Variants in LCORL observed in about 807,000 individuals in gnomAD.
The protein encoded by LCORL is ligand dependent nuclear receptor corepressor like, also known as ligand-dependent nuclear receptor corepressor-like protein.
In LCORL, 41 loss-of-function variants were observed where a neutral mutation model predicts 141.8. That is an observed-to-expected ratio of 0.29 (90% CI 0.23 to 0.38). LCORL has a LOEUF of 0.38. LCORL is among the 10% of genes least tolerant of loss of function. LCORL has a pLI of 1.00. For synonymous variants in LCORL, 618 were observed against 694.1 expected (o/e 0.89, Z 1.72); for missense variants, 1,759 against 2,035.0 (o/e 0.86, Z 2.61).
At chr4:17,913,574 A>T (rs1382749074) in intron 4 of LCORL, among the ~76,000 whole-genome samples, 2 of 152,240 alleles carry the variant, frequency 1.3e-5, no homozygotes, top group Admixed American at 6.5e-5. Flanking sequence ...TCTGTTTATT[A>T]TAAGAGTGTT....
At position 17,977,229 on chromosome 4, in the gene LCORL, T is replaced by C. The variant is rs367941557; in HGVS notation, c.155-4344A>G. Among the ~76,000 whole-genome samples the C allele has an allele frequency of 2.1e-4, 32 of 152,322 alleles. 1 individual carries two copies. The South Asian group carries it at 3.7e-3, about 18-fold the overall frequency. ...TAATCTATTCAGAAGTTGGTGGATA[T>C]ACGTTTTCATTTTTCTTGTGTAAAT... On this transcript the variant is annotated intron_variant, in intron 1 of 7. Transcript: ENST00000635767.
rs1213390945 is a variant in LCORL, at chr4:17,990,139, C to T, written c.155-17254G>A. Among the ~76,000 whole-genome samples the T allele has an allele frequency of 3.4e-5, 5 of 145,856 alleles. No homozygotes were observed. In the Admixed American group the frequency reaches 3.5e-4, roughly 10 times the overall value. On this transcript the variant is annotated intron_variant, in intron 1 of 7. Transcript: ENST00000635767. ...TTTGAAATGGAGTCTCGCTCTGTCA[C>T]CCAGGCTGGAGTGCAGTGGCACGAT...
intron 7 of LCORL, among the ~76,000 whole-genome samples, chr4:17,858,679 G>C (rs933507020): frequency 6.6e-6 from 1 of 151,828 alleles, no homozygotes; most frequent in Non-Finnish European, 1.5e-5. Flanking sequence ...GGTGAGCCAA[G>C]ATCGCGCCAT....
intron 4 of LCORL, among the ~76,000 whole-genome samples, chr4:17,928,711 G>A (rs1028399334): frequency 2.0e-5 from 3 of 152,102 alleles, no homozygotes; most frequent in South Asian, 2.1e-4. Context: ...TTATCACTTC[G>A]ACACTGTACT....
chr4:17,943,711 TA>T (rs1738351161), intron 4 of LCORL, among the ~76,000 whole-genome samples: 1 of 152,190 alleles, frequency 6.6e-6, no homozygotes, highest in Non-Finnish European at 1.5e-5. Flanking sequence ...ATGGTCTCAA[TA>T]GCCCATGTAG....
chr4:17,954,354 G>A (rs553918691), intron 4 of LCORL, among the ~76,000 whole-genome samples: 3 of 152,232 alleles, frequency 2.0e-5, no homozygotes, highest in Admixed American at 6.5e-5. Flanking sequence ...AAGATCCTGA[G>A]AAGAAAATAA....
intron 5 of LCORL, among the ~76,000 whole-genome samples, chr4:17,901,060 G>A (rs1730788317): frequency 6.6e-6 from 1 of 151,410 alleles, no homozygotes; most frequent in Non-Finnish European, 1.5e-5. Flanking sequence ...GAAATGTATT[G>A]TTCTTTTTTT....
intron 7 of LCORL, among the ~76,000 whole-genome samples, chr4:17,849,353 G>C (rs375962023): frequency 6.6e-6 from 1 of 152,270 alleles, no homozygotes; most frequent in Admixed American, 6.5e-5. Flanking sequence ...TCAGACAGCA[G>C]CATTCGCGGT....
intron 5 of LCORL, among the ~76,000 whole-genome samples, chr4:17,897,696 T>C (rs1224941953): frequency 6.6e-6 from 1 of 152,160 alleles, no homozygotes; most frequent in Non-Finnish European, 1.5e-5. Context: ...AAATTGTTCT[T>C]CTACTGATGA....
In LCORL at chr4:17,884,024, T is replaced by G. The variant is rs1247785072; in HGVS notation, c.776+2044A>C. 1 of 1,550,790 alleles carries G rather than the reference T, an allele frequency of 6.4e-7. No individual in the cohort carries two copies. Among genetic ancestry groups the G allele is most frequent in the South Asian group, 1.2e-5 (1 of 84,018 alleles). On this transcript the variant is annotated intron_variant, in intron 6 of 7. Coordinates refer to ENST00000635767, the Ensembl canonical transcript of LCORL. This position sits in a 1 kb window ranked among gnomAD's most constrained non-coding sequence, Gnocchi z 4.4. Reference sequence around the variant, plus strand: ...TTTTCGATCTAATCCATCTTCAGTATTTTCAGAGGTTCCATCAACTGTTCC... The same window carrying G: ...TTTTCGATCTAATCCATCTTCAGTAGTTTCAGAGGTTCCATCAACTGTTCC...
intron 1 of LCORL, among the ~76,000 whole-genome samples, chr4:17,998,552 T>G (rs905729939): frequency 1.3e-5 from 2 of 152,124 alleles, no homozygotes; most frequent in Non-Finnish European, 2.9e-5. Flanking sequence ...CCTTAACATC[T>G]TGTCCCACTG....
intron 1 of LCORL, among the ~76,000 whole-genome samples, chr4:17,976,481 T>C (rs1168964558): frequency 6.6e-6 from 1 of 152,184 alleles, no homozygotes; most frequent in East Asian, 1.9e-4. Context: ...CTTTTCACCA[T>C]CTACTTTAAA....
intron 4 of LCORL, among the ~76,000 whole-genome samples, chr4:17,945,995 G>C (rs562424975): frequency 6.6e-4 from 100 of 151,802 alleles, no homozygotes; most frequent in Non-Finnish European, 1.3e-3. Flanking sequence ...GAGAAAAGCA[G>C]ACATCTAAGA....
At chr4:17,934,433 A>G (rs1481829597) in intron 4 of LCORL, among the ~76,000 whole-genome samples, 1 of 152,118 alleles carries the variant, frequency 6.6e-6, no homozygotes, top group African/African-American at 2.4e-5. Flanking sequence ...AAAATCTATT[A>G]TTTGATTTCA....
intron 5 of LCORL, among the ~76,000 whole-genome samples, chr4:17,894,816 A>G (rs555194919): frequency 1.3e-5 from 2 of 152,216 alleles, no homozygotes; most frequent in East Asian, 3.9e-4. Flanking sequence ...ATGCTTGAGA[A>G]CCAGCGGTCT....
chr4:18,013,911 G>A (rs981248852), intron 1 of LCORL, among the ~76,000 whole-genome samples: 3 of 151,740 alleles, frequency 2.0e-5, no homozygotes, highest in East Asian at 1.9e-4. Flanking sequence ...GGGTTCAAGC[G>A]ATTCTTGTGC....
At chr4:17,894,996 C>T (rs766195399) in intron 5 of LCORL, among the ~76,000 whole-genome samples, 1 of 149,978 alleles carries the variant, frequency 6.7e-6, no homozygotes, top group Non-Finnish European at 1.5e-5. Flanking sequence ...AATCTTTCCT[C>T]TGATATTTAT....
intron 1 of LCORL, among the ~76,000 whole-genome samples, chr4:17,985,043 G>A (rs1718716754): frequency 2.0e-5 from 3 of 152,018 alleles, no homozygotes; most frequent in African/African-American, 4.8e-5. Flanking sequence ...CTATTCAAGA[G>A]CACGTTGTTT....
intron 5 of LCORL, among the ~76,000 whole-genome samples, chr4:17,889,743 T>TG (rs1337846015): frequency 6.7e-6 from 1 of 149,120 alleles, no homozygotes; most frequent in Non-Finnish European, 1.5e-5. Context: ...ATGGTGGGGG[T>TG]GGGGGAAGGA....
Sources: allele counts gnomAD v4.1 joint callset (sites outside exome capture counted in the v4.1 genomes callset), GRCh38; gene constraint gnomAD v4.1.1; non-coding constraint Gnocchi (gnomAD v3.1); transcripts MANE v1.5; gene names NCBI Gene and HGNC (gene_info 2026-07-23, HGNC 2026-07-21).